The following ASAP1 variants were observed in gnomAD, a reference collection of about 807,000 sequenced individuals.
ASAP1 encodes ArfGAP with SH3 domain, ankyrin repeat and PH domain 1.
A neutral mutation model predicts 145.2 loss-of-function variants in ASAP1; 43 were observed. The observed-to-expected ratio is 0.30, with a 90% CI of 0.23 to 0.38. The LOEUF (loss-of-function observed/expected upper bound fraction) is 0.38. ASAP1 is among the 10% of genes least tolerant of loss of function. ASAP1 has a pLI of 1.00. For missense variants in ASAP1, 1,018 were observed against 1,355.3 expected (o/e 0.75, Z 3.91); for synonymous variants, 546 against 515.5 (o/e 1.06, Z -0.80).
chr8:130,143,036 T>C lies in ASAP1; in HGVS notation c.1081-5998A>G, dbSNP rs2097616292. ...GACAGCTAGAAAAGGAGACTTTCAA[T>C]GCATCATTCCACAAGTAATCATTAC... On this transcript the variant is annotated intron_variant, in intron 13 of 29. Coordinates refer to ENST00000518721, the MANE Select transcript of ASAP1 (RefSeq NM_018482.4). Among the ~76,000 whole-genome samples the C allele has an allele frequency of 2.0e-5, 3 of 152,196 alleles. No individual in the cohort carries two copies. In the South Asian group the frequency reaches 6.2e-4, roughly 32 times the overall value.
chr8:130,152,686 G>T, intron 13 of ASAP1, 50 bp downstream of exon 13: 2 of 1,400,290 alleles, frequency 1.4e-6, no homozygotes, highest in Non-Finnish European at 2.0e-6. Flanking sequence ...GTACATAATC[G>T]TGTTTGCTTT....
At chr8:130,134,094 A>G (rs140013896) in intron 15 of ASAP1, among the ~76,000 whole-genome samples, 83 of 152,312 alleles carry the variant, frequency 5.4e-4, no homozygotes, top group African/African-American at 1.7e-3. Flanking sequence ...ATCTTGCAGG[A>G]GGTACCAGAG....
intron 3 of ASAP1, among the ~76,000 whole-genome samples, chr8:130,346,869 G>A (rs1825731774): frequency 6.6e-6 from 1 of 150,614 alleles, no homozygotes. Context: ...TTATGTAAAT[G>A]CTATTAATGT....
At chr8:130,357,453 T>C (rs1443074556) in intron 3 of ASAP1, among the ~76,000 whole-genome samples, 6 of 152,228 alleles carry the variant, frequency 3.9e-5, no homozygotes, top group Non-Finnish European at 8.8e-5. Flanking sequence ...CATCTGGGCT[T>C]CAGGCACCAG....
intron 3 of ASAP1, among the ~76,000 whole-genome samples, chr8:130,331,825 A>ATGCATGTGTT (rs1458096447): frequency 6.6e-6 from 1 of 152,122 alleles, no homozygotes; most frequent in African/African-American, 2.4e-5. Flanking sequence ...CAAACACACA[A>ATGCATGTGTT]TGCACATCAA....
chr8:130,316,039 G>A (rs1241071522), intron 3 of ASAP1, among the ~76,000 whole-genome samples: 1 of 152,152 alleles, frequency 6.6e-6, no homozygotes, highest in Non-Finnish European at 1.5e-5. Flanking sequence ...TCCATGGCTA[G>A]GAGAGAAAAG....
intron 3 of ASAP1, among the ~76,000 whole-genome samples, chr8:130,331,314 A>G (rs1824674483): frequency 6.6e-6 from 1 of 152,196 alleles, no homozygotes; most frequent in South Asian, 2.1e-4. Flanking sequence ...ACCATGATGG[A>G]ACTGCCAAGC....
intron 3 of ASAP1, among the ~76,000 whole-genome samples, chr8:130,341,434 C>A (rs1396637106): frequency 6.6e-6 from 1 of 152,170 alleles, no homozygotes; most frequent in East Asian, 1.9e-4. Flanking sequence ...GAGGGTCAGA[C>A]AGATCTTTGT....
Position 130,076,404 on chromosome 8 carries a change from G to C in ASAP1, c.2645C>G (p.Thr882Ser). The change falls in exon 27 of 30, where the codon ACC (threonine) becomes AGC (serine). Residue 882 changes from threonine to serine, a missense_variant and splice_region_variant. By Grantham distance (58) the Thr-to-Ser change is moderately conservative. Around this residue, in one of 9 missense-constraint regions of ASAP1, gnomAD observed 38 missense variants for 77.2 expected, o/e 0.49. Coordinates refer to ENST00000518721, the MANE Select transcript of ASAP1 (RefSeq NM_018482.4). Reference protein sequence around the residue: ...KFEGLSQQSSTSSAKTALGPR... With the variant: ...KFEGLSQQSSSSSAKTALGPR... ...GCCAAGGGCAGTCTTTGCAGAACTG[G>C]TGCTAATCAACAAATAAGAATCATT... is the stretch of plus-strand genomic sequence containing the variant. 6.2e-7 allele frequency: 1 copy of C among 1,607,888 alleles called. No individual in the cohort carries two copies. Among genetic ancestry groups the C allele is most frequent in the Non-Finnish European group, 8.5e-7 (1 of 1,176,848 alleles).
intron 3 of ASAP1, among the ~76,000 whole-genome samples, chr8:130,261,587 C>T (rs1228532675): frequency 6.6e-6 from 1 of 152,116 alleles, no homozygotes; most frequent in East Asian, 1.9e-4. Flanking sequence ...CCAGGAAGAC[C>T]TCATACAAGA....
intron 2 of ASAP1, 141 bp downstream of exon 2, chr8:130,401,744 T>G: frequency 1.4e-6 from 1 of 711,760 alleles, no homozygotes; most frequent in Non-Finnish European, 2.3e-6. Context: ...AGATCTGTTC[T>G]CCAATAACAA....
intron 2 of ASAP1, among the ~76,000 whole-genome samples, chr8:130,376,441 A>C (rs1026410675): frequency 6.6e-6 from 1 of 152,140 alleles, no homozygotes; most frequent in Non-Finnish European, 1.5e-5. Context: ...AAAACAAAAC[A>C]AAAAGGCCTG....
intron 5 of ASAP1, among the ~76,000 whole-genome samples, chr8:130,210,833 T>C (rs1816535849): frequency 6.6e-6 from 1 of 152,208 alleles, no homozygotes; most frequent in African/African-American, 2.4e-5. Context: ...GTCTTTACAC[T>C]GAGTTACCTT....
chr8:130,136,828 G>A (rs2097595918), intron 14 of ASAP1, 123 bp downstream of exon 14: 2 of 818,770 alleles, frequency 2.4e-6, no homozygotes, highest in Non-Finnish European at 4.2e-6. Context: ...AGCACATGCA[G>A]GAATAACTGT....
At position 130,352,386 on chromosome 8, in the gene ASAP1, G is replaced by A. The variant is rs544649482; in HGVS notation, c.186+5631C>T. ...GGGGAGCTGACGAACAAGATCAGAC[G>A]TCAAACCCTGACCACAGAAATCCTA... On this transcript the variant is annotated intron_variant, in intron 3 of 29. Transcript: ENST00000518721. Among the ~76,000 whole-genome samples, 20 of 152,222 alleles carry A rather than the reference G, an allele frequency of 1.3e-4. No homozygotes were observed. The East Asian group carries it at 3.3e-3, about 25-fold the overall frequency.
chr8:130,329,859 C>T (rs1365170115), intron 3 of ASAP1, among the ~76,000 whole-genome samples: 1 of 152,154 alleles, frequency 6.6e-6, no homozygotes, highest in Non-Finnish European at 1.5e-5. Context: ...AGTGAGAAGC[C>T]ATGTTTATCA....
At chr8:130,137,133 C>T in intron 13 of ASAP1, 95 bp from the exon 14 acceptor site, 1 of 975,226 alleles carries the variant, frequency 1.0e-6, no homozygotes, top group Non-Finnish European at 1.7e-6. Context: ...GTTCATAAGG[C>T]CTGCTCAGTG....
At chr8:130,209,795 C>CTTTTT (rs112660745) in intron 5 of ASAP1, among the ~76,000 whole-genome samples, 1 of 150,956 alleles carries the variant, frequency 6.6e-6, no homozygotes. Context: ...AGTGGAACAC[C>CTTTTT]TTTTTTTTTG....
intron 1 of ASAP1, among the ~76,000 whole-genome samples, chr8:130,443,096 G>A (rs1189552980): frequency 2.0e-5 from 3 of 152,096 alleles, no homozygotes; most frequent in Middle Eastern, 3.2e-3. Flanking sequence ...CGGGGTCCGG[G>A]CCGCCAAGCA....
Sources: allele counts gnomAD v4.1 joint callset (sites outside exome capture counted in the v4.1 genomes callset), GRCh38; gene constraint gnomAD v4.1.1; regional missense constraint gnomAD v4.1.1; transcripts MANE v1.5; gene names NCBI Gene and HGNC (gene_info 2026-07-23, HGNC 2026-07-21).